Variants in CFAP107 observed in about 807,000 individuals in gnomAD.
CFAP107 encodes the protein cilia and flagella associated protein 107.
At chr1:12,752,774 G>A in the CFAP107 span, among the ~76,000 whole-genome samples, 2 of 152,018 alleles carry the variant, frequency 1.3e-5, no homozygotes, top group Admixed American at 1.3e-4. Flanking sequence ...AATGGTGAAA[G>A]ATTGAAAGCT....
chr1:12,755,948 G>A, the CFAP107 span: 5 of 616,452 alleles, frequency 8.1e-6, no homozygotes, highest in South Asian at 4.1e-5. Flanking sequence ...CTCCCAGCCC[G>A]GGGGCTGCAG....
the CFAP107 span, among the ~76,000 whole-genome samples, chr1:12,757,272 A>AC: frequency 5.3e-5 from 8 of 149,654 alleles, no homozygotes; most frequent in South Asian, 4.2e-4. Flanking sequence ...TCCACCCACC[A>AC]CCCCCCCGCA....
chr1:12,755,680 G>A, the CFAP107 span: 2 of 1,543,042 alleles, frequency 1.3e-6, no homozygotes, highest in Non-Finnish European at 1.8e-6. Context: ...AGGTTTTCCT[G>A]AATATTTGGT....
chr1:12,747,687 A>T, the CFAP107 span, among the ~76,000 whole-genome samples: 1 of 152,138 alleles, frequency 6.6e-6, no homozygotes, highest in Non-Finnish European at 1.5e-5. Context: ...GCCAGATACA[A>T]CCTTCAGTCA....
chr1:12,763,185 C>T, the CFAP107 span: 2 of 151,816 alleles, frequency 1.3e-5, no homozygotes, highest in Admixed American at 6.6e-5. Context: ...GACTCCATCC[C>T]AAAAACAACA....
the CFAP107 span, among the ~76,000 whole-genome samples, chr1:12,751,624 C>G: frequency 2.0e-5 from 3 of 152,090 alleles, no homozygotes; most frequent in African/African-American, 7.2e-5. Flanking sequence ...GAGACTCCAT[C>G]TCTAAACAAA....
the CFAP107 span, chr1:12,755,944 G>C: frequency 8.9e-5 from 56 of 631,270 alleles, no homozygotes; most frequent in Non-Finnish European, 1.5e-4. Flanking sequence ...TACCCTCCCA[G>C]CCCGGGGGCT....
chr1:12,756,680 CT>C, the CFAP107 span, among the ~76,000 whole-genome samples: 1 of 152,184 alleles, frequency 6.6e-6, no homozygotes, highest in African/African-American at 2.4e-5. Context: ...CCTGCTTCAA[CT>C]CAGGGTGGCA....
the CFAP107 span, among the ~76,000 whole-genome samples, chr1:12,755,002 A>G: frequency 6.6e-6 from 1 of 152,240 alleles, no homozygotes; most frequent in South Asian, 2.1e-4. Context: ...AATGGTAAAT[A>G]CATTTTATGT....
chr1:12,760,413 C>G, the CFAP107 span, among the ~76,000 whole-genome samples: 1 of 152,192 alleles, frequency 6.6e-6, no homozygotes, highest in African/African-American at 2.4e-5. Context: ...TGGGATTCTT[C>G]TCAACATCAC....
At chr1:12,746,717 C>T in the CFAP107 span, among the ~76,000 whole-genome samples, 1 of 152,060 alleles carries the variant, frequency 6.6e-6, no homozygotes, top group African/African-American at 2.4e-5. Flanking sequence ...CATCAATATT[C>T]ACGCATTTTG....
the CFAP107 span, among the ~76,000 whole-genome samples, chr1:12,758,743 TC>T: frequency 6.6e-6 from 1 of 152,202 alleles, no homozygotes; most frequent in South Asian, 2.1e-4. Flanking sequence ...AACATGGCTT[TC>T]TTCTCACTGT....
chr1:12,755,881 G>GCTT, the CFAP107 span: 1 of 1,059,096 alleles, frequency 9.4e-7, no homozygotes, highest in Admixed American at 1.9e-5. Context: ...ACACCAGCCA[G>GCTT]CTTCTTATAG....
the CFAP107 span, among the ~76,000 whole-genome samples, chr1:12,751,799 GATA>G: frequency 1.3e-5 from 2 of 152,046 alleles, no homozygotes; most frequent in Non-Finnish European, 2.9e-5. Flanking sequence ...GACATAAAAA[GATA>G]ATAAGAGAAT....
At chr1:12,747,976 C>T in the CFAP107 span, among the ~76,000 whole-genome samples, 8 of 152,182 alleles carry the variant, frequency 5.3e-5, no homozygotes. Flanking sequence ...CTCTGGAAAA[C>T]AGTCAAAGAT....
At chr1:12,756,182 T>C in the CFAP107 span, among the ~76,000 whole-genome samples, 1 of 152,202 alleles carries the variant, frequency 6.6e-6, no homozygotes, top group Admixed American at 6.5e-5. Flanking sequence ...CAAACAGTGT[T>C]GTGTATTATC....
chr1:12,749,693 A>T, the CFAP107 span, among the ~76,000 whole-genome samples: 12 of 152,212 alleles, frequency 7.9e-5, no homozygotes, highest in Non-Finnish European at 1.0e-4. Flanking sequence ...AGGCAGTGGG[A>T]TAATACATTT....
the CFAP107 span, chr1:12,760,790 C>T: frequency 1.9e-6 from 3 of 1,613,946 alleles, no homozygotes; most frequent in Admixed American, 5.0e-5. Context: ...AAACTATGGA[C>T]TCTATGAGCA....
At chr1:12,746,230 A>C in the CFAP107 span, 9,750 of 456,716 alleles carry the variant, frequency 0.021, 797 homozygotes, top group African/African-American at 0.17. Flanking sequence ...AGATAGATCA[A>C]CTCTCCCTAA....
Sources: allele counts gnomAD v4.1 joint callset (sites outside exome capture counted in the v4.1 genomes callset), GRCh38; gene constraint gnomAD v4.1.1; transcripts MANE v1.5; gene names NCBI Gene and HGNC (gene_info 2026-07-23, HGNC 2026-07-21).